The following PLCXD3 variants were observed in gnomAD, a reference collection of about 807,000 sequenced individuals.
PLCXD3 encodes the protein phosphatidylinositol specific phospholipase C X domain containing 3.
PLCXD3 carries 19 observed loss-of-function variants against 25.5 expected under a neutral mutation model. The observed-to-expected ratio is 0.75, with a 90% CI of 0.52 to 1.09. PLCXD3 has a LOEUF of 1.09. Ranked by LOEUF, PLCXD3 falls within the 50% of genes least tolerant of loss-of-function variation. The pLI is 0.00. For synonymous variants in PLCXD3, 174 were observed against 137.6 expected (o/e 1.26, Z -1.85); for missense variants, 411 against 388.1 (o/e 1.06, Z -0.50).
intron 1 of PLCXD3, among the ~76,000 whole-genome samples, chr5:41,508,779 T>A (rs934177383): frequency 1.3e-5 from 2 of 152,224 alleles, no homozygotes; most frequent in Admixed American, 1.3e-4. Flanking sequence ...AAAGAAGCTG[T>A]CTAAAATCCA....
At chr5:41,433,810 G>T (rs1456440549) in intron 1 of PLCXD3, among the ~76,000 whole-genome samples, 1 of 152,178 alleles carries the variant, frequency 6.6e-6, no homozygotes, top group African/African-American at 2.4e-5. Flanking sequence ...TTAAAACCTT[G>T]TGAATTGATT....
intron 1 of PLCXD3, among the ~76,000 whole-genome samples, chr5:41,393,222 A>C (rs1351687761): frequency 2.6e-5 from 4 of 152,228 alleles, no homozygotes; most frequent in Non-Finnish European, 5.9e-5. Context: ...ACGGTTATAA[A>C]AAACTAAGCA....
At chr5:41,445,839 A>G (rs1381800133) in intron 1 of PLCXD3, among the ~76,000 whole-genome samples, 3 of 152,158 alleles carry the variant, frequency 2.0e-5, no homozygotes, top group Admixed American at 6.5e-5. Context: ...AATAATCATG[A>G]TAAGTAATTA....
intron 1 of PLCXD3, among the ~76,000 whole-genome samples, chr5:41,492,813 A>G (rs1461886023): frequency 6.6e-6 from 1 of 152,134 alleles, no homozygotes; most frequent in African/African-American, 2.4e-5. Context: ...TGTATTGGTT[A>G]TTCTAGTTTA....
chr5:41,353,238 G>A (rs1022622366), intron 2 of PLCXD3, among the ~76,000 whole-genome samples: 4 of 151,162 alleles, frequency 2.6e-5, no homozygotes, highest in African/African-American at 4.9e-5. Context: ...GATTACAGGC[G>A]CCCGCCACCA....
At chr5:41,368,552 G>A (rs772795512) in intron 2 of PLCXD3, among the ~76,000 whole-genome samples, 2 of 152,100 alleles carry the variant, frequency 1.3e-5, no homozygotes, top group Non-Finnish European at 2.9e-5. Flanking sequence ...GGTTGCTCTG[G>A]CCAGAACTTT....
intron 2 of PLCXD3, among the ~76,000 whole-genome samples, chr5:41,326,084 T>C (rs1743619341): frequency 6.6e-6 from 1 of 152,174 alleles, no homozygotes; most frequent in East Asian, 1.9e-4. Flanking sequence ...GATTTCAACA[T>C]ATGAATTTGG....
chr5:41,491,354 C>G (rs1245054136), intron 1 of PLCXD3, among the ~76,000 whole-genome samples: 4 of 152,112 alleles, frequency 2.6e-5, no homozygotes, highest in African/African-American at 7.2e-5. Flanking sequence ...TTACTTCCAA[C>G]TATATGGTCA....
chr5:41,463,540 C>A (rs1368890041), intron 1 of PLCXD3, among the ~76,000 whole-genome samples: 1 of 151,962 alleles, frequency 6.6e-6, no homozygotes, highest in Non-Finnish European at 1.5e-5. Flanking sequence ...CATAACACCA[C>A]TTTAAAAAGA....
rs138819929 is a variant in PLCXD3 at position 41,457,003 on chromosome 5, A to G, written c.103+53421T>C. Among the ~76,000 whole-genome samples the G allele has an allele frequency of 1.0e-3, 159 of 152,052 alleles. 1 individual carries two copies. Among genetic ancestry groups the G allele is most frequent in the African/African-American group, 3.3e-3 (139 of 41,538 alleles). ...TTTTAAAAAGGGTTGGGGTTTTATG[A>G]GAATACATTAGCACTAACAGGAAAA... On this transcript the variant is annotated intron_variant, in intron 1 of 2. Coordinates refer to ENST00000377801, the MANE Select transcript of PLCXD3 (RefSeq NM_001005473.3).
intron 1 of PLCXD3, among the ~76,000 whole-genome samples, chr5:41,430,321 G>A (rs1327284776): frequency 6.6e-6 from 1 of 152,042 alleles, no homozygotes; most frequent in African/African-American, 2.4e-5. Context: ...CAAGAAAAGG[G>A]GAATTGAATA....
At chr5:41,457,308 C>G (rs900355012) in intron 1 of PLCXD3, among the ~76,000 whole-genome samples, 2 of 151,850 alleles carry the variant, frequency 1.3e-5, no homozygotes, top group Non-Finnish European at 2.9e-5. Flanking sequence ...GTAAGTACAA[C>G]CATGATAGTA....
intron 2 of PLCXD3, among the ~76,000 whole-genome samples, chr5:41,375,772 A>T (rs1165934772): frequency 1.3e-5 from 2 of 152,164 alleles, no homozygotes; most frequent in Non-Finnish European, 2.9e-5. Flanking sequence ...ATGACAGAGA[A>T]TGTATTAAAT....
intron 1 of PLCXD3, among the ~76,000 whole-genome samples, chr5:41,386,969 C>T (rs1041876738): frequency 9.9e-4 from 2 of 2,026 alleles, no homozygotes; most frequent in Admixed American, 2.7e-3. Flanking sequence ...AAAATCTTAA[C>T]TTTTTGTTAA....
intron 1 of PLCXD3, among the ~76,000 whole-genome samples, chr5:41,391,283 G>A (rs1366842822): frequency 2.0e-5 from 3 of 152,148 alleles, no homozygotes; most frequent in Non-Finnish European, 4.4e-5. Context: ...AGGCTGCACA[G>A]CTTGAGGCTC....
In PLCXD3 at chr5:41,308,897, A is replaced by G. The variant is rs1452574276; in HGVS notation, c.*4720T>C. The G allele has an allele frequency of 1.3e-5, 2 of 152,616 alleles. No homozygotes were observed. Among genetic ancestry groups the G allele is most frequent in the East Asian group, 1.9e-4 (1 of 5,178 alleles). 9.5% of individuals were successfully genotyped at this position (152,616 alleles called of 1,614,324 possible). A position where few individuals can be genotyped will look rare whatever the true frequency, so the allele number is the denominator to read the frequency against. On this transcript the variant is annotated 3_prime_UTR_variant, in exon 3 of 3. Coordinates refer to ENST00000377801, the MANE Select transcript of PLCXD3 (RefSeq NM_001005473.3). ...TGATTATTACGAAAAGCAATGGGGT[A>G]CCTCACAAGGTGGACAGTTTGCTTG...
intron 2 of PLCXD3, among the ~76,000 whole-genome samples, chr5:41,345,596 G>T (rs757644234): frequency 2.1e-4 from 32 of 151,996 alleles, no homozygotes; most frequent in Non-Finnish European, 2.1e-4. Flanking sequence ...GAAAAAAATA[G>T]CTTATGCAAA....
intron 1 of PLCXD3, among the ~76,000 whole-genome samples, chr5:41,404,065 C>A (rs1746282412): frequency 6.6e-6 from 1 of 152,074 alleles, no homozygotes; most frequent in Non-Finnish European, 1.5e-5. Flanking sequence ...CTCTTCCAAG[C>A]AAATGACTCA....
intron 1 of PLCXD3, among the ~76,000 whole-genome samples, chr5:41,485,803 C>T (rs975655932): frequency 6.6e-6 from 1 of 152,208 alleles, no homozygotes; most frequent in South Asian, 2.1e-4. Flanking sequence ...CAGTTGGTTA[C>T]TTGCCCTAGG....
Sources: gnomAD v4.1 joint callset for allele counts (sites outside exome capture counted in the v4.1 genomes callset) on GRCh38, gnomAD v4.1.1 for gene constraint, MANE v1.5 for transcripts, NCBI Gene and HGNC (gene_info 2026-07-23, HGNC 2026-07-21) for gene names.